The following CNTN3 variants were observed in gnomAD, a reference collection of about 807,000 sequenced individuals.
The protein encoded by CNTN3 is contactin-3.
A neutral mutation model predicts 119.1 loss-of-function variants in CNTN3; 60 were observed. The observed-to-expected ratio is 0.50, with a 90% confidence interval of 0.41 to 0.62. The LOEUF (loss-of-function observed/expected upper bound fraction) is 0.62, where lower values mean the gene tolerates loss of function less well. Among genes scored for constraint, CNTN3 ranks in the 20% least tolerant of loss-of-function variants. The pLI is 0.00. For synonymous variants in CNTN3, 450 were observed against 438.7 expected (o/e 1.03, Z -0.32); for missense variants, 1,101 against 1,242.4 (o/e 0.89, Z 1.71).
In CNTN3 at chr3:74,396,723, C is replaced by T. The variant is rs371524605; in HGVS notation, c.455-25324G>A. 1.9e-4 allele frequency among the ~76,000 whole-genome samples: 23 copies of T among 123,658 alleles called. 1 individual carries two copies. The South Asian group carries it at 3.0e-3, about 16-fold the overall frequency. 81.1% of individuals were successfully genotyped at this position (123,658 alleles called of 152,430 possible). ...ATCACACCACTGCACTCCAGCCTGG[C>T]GACAGAGCGAGATTCCGCCTCAGAA... On this transcript the variant is annotated intron_variant, in intron 5 of 22. Transcript: ENST00000263665.
rs34399433 is a variant in CNTN3 at position 74,390,369 on chromosome 3, C to CTT, written c.455-18972_455-18971dup. 3.7e-3 allele frequency among the ~76,000 whole-genome samples: 454 copies of CTT among 123,194 alleles called. 7 individuals carry two copies. Among genetic ancestry groups the CTT allele is most frequent in the Admixed American group, 0.024 (297 of 12,272 alleles). 80.8% of individuals were successfully genotyped at this position (123,194 alleles called of 152,430 possible). Reference sequence around the variant, plus strand: ...ACTTTACCAGTCTGCTGAGAGTATGCTTTTTTTTTTTTTTTTTTTAGAAAA... The same window carrying CTT: ...ACTTTACCAGTCTGCTGAGAGTATGCTTTTTTTTTTTTTTTTTTTTTAGAAAA... On this transcript the variant is annotated intron_variant, in intron 5 of 22. Coordinates refer to ENST00000263665, the MANE Select transcript of CNTN3 (RefSeq NM_020872.3).
At position 74,327,105 on chromosome 3, in the gene CNTN3, CCTTTTTTTTTTTTTT is replaced by C. The variant is rs1226787800; in HGVS notation, c.1668+7615_1668+7629del. Among the ~76,000 whole-genome samples, 7 of 90,684 alleles carry C rather than the reference CCTTTTTTTTTTTTTT, an allele frequency of 7.7e-5. 1 individual carries two copies. The highest frequency in any genetic ancestry group is 4.1e-5 in the African/African-American group (1 of 24,264). The allele number at this position is 90,684 out of a possible 152,430, so 59.5% of individuals were successfully genotyped here. On this transcript the variant is annotated intron_variant, in intron 13 of 22. Coordinates refer to ENST00000263665, the MANE Select transcript of CNTN3 (RefSeq NM_020872.3). ...CTAAAGTAGCTTATGAAGGGTTAAT[CCTTTTTTTTTTTTTT>C]TTTTTTTTTTTGTTTGTTTGTTTGT...
intron 1 of CNTN3, among the ~76,000 whole-genome samples, chr3:74,575,635 A>ACACACACACACC (rs1704403321): frequency 2.6e-5 from 4 of 151,504 alleles, no homozygotes; most frequent in Admixed American, 2.6e-4. Context: ...ACACACACAC[A>ACACACACACACC]CACACACAGT....
intron 2 of CNTN3, among the ~76,000 whole-genome samples, chr3:74,501,701 A>C (rs985773722): frequency 6.6e-6 from 1 of 151,188 alleles, no homozygotes; most frequent in African/African-American, 2.4e-5. Context: ...ACTAATCCCC[A>C]CCATCCTTTG....
chr3:74,588,804 T>A (rs980806522), intron 1 of CNTN3, among the ~76,000 whole-genome samples: 1 of 152,106 alleles, frequency 6.6e-6, no homozygotes, highest in South Asian at 2.1e-4. Flanking sequence ...TAACGCCGCA[T>A]GTCTACAACT....
At chr3:74,299,770 C>G in intron 17 of CNTN3, 98 bp downstream of exon 17, 1 of 909,254 alleles carries the variant, frequency 1.1e-6, no homozygotes, top group Non-Finnish European at 1.7e-6. Flanking sequence ...CCCAGCACTA[C>G]CACCACCACC....
intron 5 of CNTN3, among the ~76,000 whole-genome samples, chr3:74,415,963 A>G (rs1372800514): frequency 6.6e-6 from 1 of 152,190 alleles, no homozygotes; most frequent in Non-Finnish European, 1.5e-5. Context: ...GGTTGAAGTC[A>G]GTTGGAATGT....
chr3:74,365,408 T>C (rs563001696), intron 9 of CNTN3, among the ~76,000 whole-genome samples, 158 bp downstream of exon 9: 1 of 152,222 alleles, frequency 6.6e-6, no homozygotes, highest in South Asian at 2.1e-4. Flanking sequence ...GATTTGATAT[T>C]TTTCCTCCTG....
chr3:74,561,782 T>G (rs2107174788), intron 1 of CNTN3, among the ~76,000 whole-genome samples: 1 of 152,242 alleles, frequency 6.6e-6, no homozygotes, highest in South Asian at 2.1e-4. Context: ...TCCTCACCAC[T>G]TTCCATGATA....
chr3:74,356,162 C>T (rs117714518), intron 11 of CNTN3, among the ~76,000 whole-genome samples: 3,096 of 152,110 alleles, frequency 0.02, 59 homozygotes, highest in East Asian at 0.075. Context: ...AGCAACAAGG[C>T]CCCATCTATG....
chr3:74,382,633 C>T (rs1221247317), intron 5 of CNTN3, among the ~76,000 whole-genome samples: 5 of 152,170 alleles, frequency 3.3e-5, no homozygotes, highest in Non-Finnish European at 5.9e-5. Flanking sequence ...TCTTTCTGTG[C>T]CTGGCTTTAT....
chr3:74,337,644 C>G (rs1316759620), intron 11 of CNTN3, among the ~76,000 whole-genome samples: 1 of 152,076 alleles, frequency 6.6e-6, no homozygotes, highest in Admixed American at 6.6e-5. Flanking sequence ...ACCACAAGAA[C>G]AGTATGGGGA....
At chr3:74,267,172 T>C (rs1701677030) in intron 21 of CNTN3, 94 bp downstream of exon 21, 1 of 705,150 alleles carries the variant, frequency 1.4e-6, no homozygotes, top group Non-Finnish European at 2.5e-6. Context: ...ACAGAAACCA[T>C]ATCAATATAT....
chr3:74,361,709 T>C (rs1466435674), intron 11 of CNTN3, among the ~76,000 whole-genome samples, 181 bp downstream of exon 11: 1 of 152,158 alleles, frequency 6.6e-6, no homozygotes, highest in East Asian at 1.9e-4. Flanking sequence ...TGTTTAGATT[T>C]CAAAAAACTG....
At chr3:74,453,673 A>T (rs1470797787) in intron 4 of CNTN3, among the ~76,000 whole-genome samples, 3 of 148,634 alleles carry the variant, frequency 2.0e-5, no homozygotes, top group African/African-American at 7.4e-5. Context: ...ATTTCCCTCT[A>T]CACACTGCTT....
chr3:74,524,023 A>C (rs1703580342), intron 1 of CNTN3, among the ~76,000 whole-genome samples: 1 of 151,874 alleles, frequency 6.6e-6, no homozygotes, highest in African/African-American at 2.4e-5. Flanking sequence ...GTGAGTGAAA[A>C]GCATTTCTAC....
chr3:74,426,552 T>C (rs1701698838), intron 4 of CNTN3, among the ~76,000 whole-genome samples: 1 of 152,198 alleles, frequency 6.6e-6, no homozygotes, highest in Non-Finnish European at 1.5e-5. Flanking sequence ...ACGTTATTGT[T>C]ACTGAAAAAT....
chr3:74,270,627 C>T (rs1701755056), intron 20 of CNTN3, among the ~76,000 whole-genome samples: 1 of 152,098 alleles, frequency 6.6e-6, no homozygotes, highest in Non-Finnish European at 1.5e-5. Context: ...AGTATGGAGT[C>T]AAGTAGTGAA....
chr3:74,411,905 G>A (rs2106871997), intron 5 of CNTN3, among the ~76,000 whole-genome samples: 1 of 152,250 alleles, frequency 6.6e-6, no homozygotes, highest in African/African-American at 2.4e-5. Context: ...GAAGTAACAG[G>A]AGTGGGCTGC....
Sources: gnomAD v4.1 joint callset for allele counts (sites outside exome capture counted in the v4.1 genomes callset) on GRCh38, gnomAD v4.1.1 for gene constraint, MANE v1.5 for transcripts, NCBI Gene and HGNC (gene_info 2026-07-23, HGNC 2026-07-21) for gene names.